RAB2A: variants seen among roughly 807,000 people sequenced by gnomAD.
RAB2A encodes RAB2A, member RAS oncogene family.
Under a neutral mutation model 32.5 loss-of-function variants are expected in RAB2A, and 7 were observed. The observed-to-expected ratio is 0.22, with a 90% CI of 0.12 to 0.40. The LOEUF (loss-of-function observed/expected upper bound fraction) is 0.40. Among genes scored for constraint, RAB2A ranks in the 10% least tolerant of loss-of-function variants. RAB2A has a pLI of 1.00. For synonymous variants in RAB2A, 79 were observed against 85.2 expected (o/e 0.93, Z 0.40); for missense variants, 108 against 260.7 (o/e 0.41, Z 4.03).
intron 3 of RAB2A, among the ~76,000 whole-genome samples, chr8:60,577,919 G>A (rs547497852): frequency 2.0e-5 from 3 of 150,286 alleles, no homozygotes; most frequent in Non-Finnish European, 4.4e-5. Context: ...TGGGATTATA[G>A]GCGTGAGCCA....
At chr8:60,564,782 T>C (rs1405250861) in intron 2 of RAB2A, among the ~76,000 whole-genome samples, 1 of 152,302 alleles carries the variant, frequency 6.6e-6, no homozygotes, top group East Asian at 1.9e-4. Context: ...CCCCCACCAA[T>C]AAAAAGTAAG....
chr8:60,544,077 A>C (rs1345217664), intron 1 of RAB2A, among the ~76,000 whole-genome samples: 1 of 151,748 alleles, frequency 6.6e-6, no homozygotes, highest in Non-Finnish European at 1.5e-5. Context: ...AAAAAAAAAA[A>C]AAAAGTGATA....
rs916087444 is a variant in RAB2A, at chr8:60,549,666, G to A, written c.47-9186G>A. 5.3e-5 allele frequency among the ~76,000 whole-genome samples: 8 copies of A among 152,202 alleles called. No homozygotes were observed. The East Asian group carries it at 5.8e-4, about 11-fold the overall frequency. Reference sequence around the variant, plus strand: ...GGTGCAGAATGAAAGCCATTGGCAGGAGATAGTTTTTTCCCCCCATTTCAA... The same window carrying A: ...GGTGCAGAATGAAAGCCATTGGCAGAAGATAGTTTTTTCCCCCCATTTCAA... On this transcript the variant is annotated intron_variant, in intron 1 of 7. Transcript: ENST00000262646.
intron 2 of RAB2A, chr8:60,559,393 C>T (rs978566405): frequency 6.5e-6 from 1 of 153,228 alleles, no homozygotes; most frequent in Non-Finnish European, 1.5e-5. Flanking sequence ...AAGTGCCTGG[C>T]AATGTGGAAA....
At chr8:60,535,517 T>C (rs892553849) in intron 1 of RAB2A, among the ~76,000 whole-genome samples, 5 of 152,214 alleles carry the variant, frequency 3.3e-5, no homozygotes, top group African/African-American at 1.2e-4. Flanking sequence ...TCACCACATA[T>C]AAATCTCTCA....
intron 1 of RAB2A, among the ~76,000 whole-genome samples, chr8:60,536,142 TAGAA>T (rs1273449116): frequency 6.6e-6 from 1 of 152,214 alleles, no homozygotes; most frequent in Non-Finnish European, 1.5e-5. Context: ...AGTATGAATT[TAGAA>T]AGAATATTTA....
At chr8:60,571,430 A>G (rs1221643734) in intron 2 of RAB2A, among the ~76,000 whole-genome samples, 1 of 152,240 alleles carries the variant, frequency 6.6e-6, no homozygotes, top group Non-Finnish European at 1.5e-5. Flanking sequence ...TGTTTGTGAT[A>G]CAGAATAATG....
At chr8:60,526,947 C>T (rs1026793212) in intron 1 of RAB2A, among the ~76,000 whole-genome samples, 6 of 133,832 alleles carry the variant, frequency 4.5e-5, no homozygotes, top group South Asian at 2.3e-4. Context: ...CCAGCCTGGG[C>T]GACAGTGCGA....
chr8:60,590,755 T>C (rs1032086832), intron 5 of RAB2A, among the ~76,000 whole-genome samples: 8 of 151,796 alleles, frequency 5.3e-5, no homozygotes, highest in African/African-American at 1.9e-4. Context: ...ATTATATGGA[T>C]AAATTTGAAA....
intron 6 of RAB2A, among the ~76,000 whole-genome samples, chr8:60,618,153 T>C (rs1280177460): frequency 6.6e-6 from 1 of 152,242 alleles, no homozygotes; most frequent in African/African-American, 2.4e-5. Flanking sequence ...TGTTGGCTGT[T>C]GTGAATAATG....
chr8:60,518,499 TACAAA>T (rs199650050), intron 1 of RAB2A, among the ~76,000 whole-genome samples: 12,188 of 138,838 alleles, frequency 0.088, 1,512 homozygotes, highest in African/African-American at 0.29. Flanking sequence ...CTACTAAAAG[TACAAA>T]AGTTAGCCGG....
At chr8:60,615,492 A>G (rs1432399284) in intron 6 of RAB2A, among the ~76,000 whole-genome samples, 1 of 152,168 alleles carries the variant, frequency 6.6e-6, no homozygotes, top group Non-Finnish European at 1.5e-5. Flanking sequence ...CTATACCTTA[A>G]AAAGTTTATA....
chr8:60,618,430 AAT>A (rs1291778147), intron 6 of RAB2A, 148 bp from the exon 7 acceptor site: 11 of 274,858 alleles, frequency 4.0e-5, no homozygotes, highest in Non-Finnish European at 6.5e-5. Flanking sequence ...GTTCTTTATT[AAT>A]ATGTTATTAA....
At chr8:60,614,307 C>T (rs1254575182) in intron 6 of RAB2A, among the ~76,000 whole-genome samples, 1 of 151,620 alleles carries the variant, frequency 6.6e-6, no homozygotes, top group Non-Finnish European at 1.5e-5. Context: ...TTAGATTCTG[C>T]CAACTAAATG....
intron 6 of RAB2A, among the ~76,000 whole-genome samples, chr8:60,608,544 C>CCTCCT (rs1804279949): frequency 1.5e-5 from 2 of 136,912 alleles, no homozygotes; most frequent in African/African-American, 6.5e-5. Flanking sequence ...TCCTCCTTCT[C>CCTCCT]TCTCTCCTCT....
intron 1 of RAB2A, among the ~76,000 whole-genome samples, chr8:60,537,936 T>C (rs149359511): frequency 6.6e-6 from 1 of 152,252 alleles, no homozygotes; most frequent in Non-Finnish European, 1.5e-5. Context: ...CACCTCAGCC[T>C]CCCAGTGCTG....
intron 1 of RAB2A, among the ~76,000 whole-genome samples, chr8:60,547,533 C>G (rs2130821816): frequency 6.6e-6 from 1 of 150,632 alleles, no homozygotes; most frequent in African/African-American, 2.4e-5. Context: ...GGGCTGACTC[C>G]CCCCACCTCC....
At chr8:60,591,818 A>G (rs1451830077) in intron 5 of RAB2A, 40 bp from the exon 6 acceptor site, 2 of 1,284,084 alleles carry the variant, frequency 1.6e-6, no homozygotes, top group East Asian at 2.3e-5. Context: ...TGTTTGTACC[A>G]TGTTGATTAG....
intron 6 of RAB2A, among the ~76,000 whole-genome samples, chr8:60,598,708 A>G (rs1200371290): frequency 6.6e-6 from 1 of 152,028 alleles, no homozygotes; most frequent in East Asian, 1.9e-4. Flanking sequence ...ATTTGACAGA[A>G]TTCAACACCC....
Sources: gnomAD v4.1 joint callset for allele counts (sites outside exome capture counted in the v4.1 genomes callset) on GRCh38, gnomAD v4.1.1 for gene constraint, MANE v1.5 for transcripts, NCBI Gene and HGNC (gene_info 2026-07-23, HGNC 2026-07-21) for gene names.